Variants in SHISA9 observed in about 807,000 individuals in gnomAD.
The protein encoded by SHISA9 is protein shisa-9.
A neutral mutation model predicts 38.0 loss-of-function variants in SHISA9; 13 were observed. That is an observed-to-expected ratio of 0.34 (90% confidence interval 0.22 to 0.54). SHISA9 has a LOEUF of 0.54. SHISA9 is among the 20% of genes least tolerant of loss of function. The probability of loss-of-function intolerance (pLI) is 0.91; values close to 1 mark genes in which losing one functional copy is unlikely to be tolerated. For synonymous variants in SHISA9, 275 were observed against 242.0 expected (o/e 1.14, Z -1.27); for missense variants, 538 against 575.8 (o/e 0.93, Z 0.67).
chr16:13,414,726 C>T, the SHISA9 span, among the ~76,000 whole-genome samples: 2 of 148,514 alleles, frequency 1.3e-5, no homozygotes, highest in African/African-American at 4.9e-5. Context: ...GTCATTGCAA[C>T]CTCTGCCTCC....
the SHISA9 span, among the ~76,000 whole-genome samples, chr16:13,256,733 T>C: frequency 2.0e-5 from 3 of 152,228 alleles, no homozygotes; most frequent in African/African-American, 7.2e-5. Flanking sequence ...AACAAATGAA[T>C]GAGTGAGGAA....
At chr16:13,504,259 G>T in the SHISA9 span, among the ~76,000 whole-genome samples, 1 of 152,054 alleles carries the variant, frequency 6.6e-6, no homozygotes, top group Non-Finnish European at 1.5e-5. Flanking sequence ...AACACGTAAG[G>T]TTTCATTAGG....
intron 2 of SHISA9, among the ~76,000 whole-genome samples, chr16:12,917,472 C>T (rs1407435611): frequency 2.6e-5 from 4 of 152,024 alleles, no homozygotes; most frequent in South Asian, 2.1e-4. Context: ...ACTGTGTTTG[C>T]TATTGTGTTT....
chr16:13,552,371 A>G, the SHISA9 span, among the ~76,000 whole-genome samples: 1 of 151,620 alleles, frequency 6.6e-6, no homozygotes, highest in Admixed American at 6.6e-5. Context: ...ATTCCTGTCT[A>G]TGTTCCGTTT....
chr16:13,412,640 T>C, the SHISA9 span, among the ~76,000 whole-genome samples: 1 of 152,148 alleles, frequency 6.6e-6, no homozygotes, highest in South Asian at 2.1e-4. Context: ...ACTGATTGCT[T>C]GAGCCCGGGA....
the SHISA9 span, among the ~76,000 whole-genome samples, chr16:13,393,975 T>C: frequency 3.3e-5 from 5 of 152,216 alleles, no homozygotes; most frequent in African/African-American, 9.6e-5. Context: ...GCCACGGTGC[T>C]CTACGTCACG....
chr16:12,937,418 A>G (rs1210869154), intron 2 of SHISA9, among the ~76,000 whole-genome samples: 1 of 152,240 alleles, frequency 6.6e-6, no homozygotes, highest in Non-Finnish European at 1.5e-5. Context: ...CTATGCATTT[A>G]CTAACATTTC....
At chr16:13,045,758 C>CCG (rs1230349511) in intron 2 of SHISA9, among the ~76,000 whole-genome samples, 4 of 90,734 alleles carry the variant, frequency 4.4e-5, no homozygotes, top group African/African-American at 7.0e-5. Flanking sequence ...GTCCCCTGCC[C>CCG]CCACTGTGTC....
At chr16:13,439,741 C>G in the SHISA9 span, among the ~76,000 whole-genome samples, 3 of 152,182 alleles carry the variant, frequency 2.0e-5, no homozygotes, top group East Asian at 5.8e-4. Flanking sequence ...TTGGCCTCCC[C>G]CTCATTAAAT....
chr16:13,400,332 TTCTCTTCCCTGTC>T, the SHISA9 span, among the ~76,000 whole-genome samples: 3 of 150,044 alleles, frequency 2.0e-5, no homozygotes, highest in African/African-American at 7.5e-5. Context: ...ATTTACTTTA[TTCTCTTCCCTGTC>T]TCTCTTCCCT....
intron 2 of SHISA9, among the ~76,000 whole-genome samples, chr16:13,057,457 C>T (rs575968320): frequency 6.6e-6 from 1 of 151,960 alleles, no homozygotes; most frequent in East Asian, 1.9e-4. Context: ...TGCAATGGGG[C>T]GATCTTGGCT....
At chr16:13,118,122 C>A (rs1286886550) in intron 2 of SHISA9, among the ~76,000 whole-genome samples, 1 of 148,238 alleles carries the variant, frequency 6.7e-6, no homozygotes, top group Non-Finnish European at 1.5e-5. Flanking sequence ...GCGGAGGTTG[C>A]AGTGAGTGGA....
At chr16:13,540,346 A>C in the SHISA9 span, among the ~76,000 whole-genome samples, 3 of 152,164 alleles carry the variant, frequency 2.0e-5, no homozygotes, top group Non-Finnish European at 4.4e-5. Flanking sequence ...TTTGGCACCA[A>C]AGCACTTTGT....
At chr16:13,488,421 T>C in the SHISA9 span, among the ~76,000 whole-genome samples, 1 of 152,236 alleles carries the variant, frequency 6.6e-6, no homozygotes, top group Admixed American at 6.5e-5. Context: ...GTCTTCTTTA[T>C]TCTCATGACT....
intron 2 of SHISA9, among the ~76,000 whole-genome samples, chr16:13,184,605 C>G (rs1004247494): frequency 3.9e-5 from 6 of 152,172 alleles, no homozygotes; most frequent in African/African-American, 1.4e-4. Context: ...CCACCAATTC[C>G]GTTGTTCTGC....
At chr16:12,970,461 ATGTGTGTG>A (rs1247338051) in intron 2 of SHISA9, among the ~76,000 whole-genome samples, 1 of 62,678 alleles carries the variant, frequency 1.6e-5, no homozygotes, top group African/African-American at 8.5e-5. Flanking sequence ...ATATACATAT[ATGTGTGTG>A]TATATATATA....
intron 2 of SHISA9, among the ~76,000 whole-genome samples, chr16:12,920,153 C>T (rs2071309374): frequency 6.8e-6 from 1 of 146,946 alleles, no homozygotes; most frequent in East Asian, 2.0e-4. Flanking sequence ...TCTTGAAATA[C>T]AGTTTTTGTT....
the SHISA9 span, among the ~76,000 whole-genome samples, chr16:13,416,825 G>A: frequency 6.7e-6 from 1 of 148,832 alleles, no homozygotes; most frequent in South Asian, 2.1e-4. Context: ...AAGGAATGAA[G>A]GAAGGAAGAG....
the SHISA9 span, among the ~76,000 whole-genome samples, chr16:13,426,674 C>T: frequency 5.9e-5 from 9 of 152,292 alleles, no homozygotes; most frequent in Admixed American, 4.6e-4. Flanking sequence ...GAAGCAAAGG[C>T]CACATGGCTA....
Sources: allele counts gnomAD v4.1 joint callset (sites outside exome capture counted in the v4.1 genomes callset), GRCh38; gene constraint gnomAD v4.1.1; transcripts MANE v1.5; gene names NCBI Gene and HGNC (gene_info 2026-07-23, HGNC 2026-07-21).